TCEA2: variants seen among roughly 807,000 people sequenced by gnomAD.
TCEA2 encodes transcription elongation factor A2.
A neutral mutation model predicts 40.8 loss-of-function variants in TCEA2; 21 were observed. That is an observed-to-expected ratio of 0.51 (90% CI 0.36 to 0.74). The LOEUF (loss-of-function observed/expected upper bound fraction) is 0.74. TCEA2 is among the 30% of genes least tolerant of loss of function. TCEA2 has a pLI of 0.00. For missense variants in TCEA2, 326 were observed against 426.5 expected (o/e 0.76, Z 2.08); for synonymous variants, 165 against 162.7 (o/e 1.01, Z -0.11).
At position 64,063,232 on chromosome 20, in the gene TCEA2, A is replaced by C; in HGVS notation, c.-81A>C. The stretch of plus-strand genomic sequence containing the variant: ...CTGCGTCGGCTGCGGCGGGTGTGGG[A>C]GGTGGCGACGGCCGGGGCCGGGGTC... On this transcript the variant is annotated 5_prime_UTR_variant, in exon 1 of 10. Transcript: ENST00000343484. 1 of 1,267,138 alleles carries C rather than the reference A, an allele frequency of 7.9e-7. No individual in the cohort carries two copies. The highest frequency in any genetic ancestry group is 1.0e-6 in the Non-Finnish European group (1 of 977,180). 78.5% of individuals were successfully genotyped at this position (1,267,138 alleles called of 1,614,324 possible).
Position 64,071,950 on chromosome 20 carries a change from G to A in TCEA2, c.891+9G>A. On this transcript the variant is annotated intron_variant, in intron 9 of 9. Transcript: ENST00000343484. ...GTGGAAACCGCTGGAAGGTGGGTGA[G>A]CAGGCTCAGGCTGCCCCTCCCAGCT... 6.2e-7 allele frequency: 1 copy of A among 1,614,074 alleles called. No homozygotes were observed. The highest frequency in any genetic ancestry group is 8.5e-7 in the Non-Finnish European group (1 of 1,180,008).
upstream of TCEA2, among the ~76,000 whole-genome samples, chr20:64,060,493 C>T (rs866487736): frequency 4.6e-5 from 7 of 152,304 alleles, no homozygotes; most frequent in African/African-American, 1.7e-4. Context: ...GCTCCTTGGT[C>T]TGGCTGTCAG....
At chr20:64,067,163 A>G (rs1451209639) in intron 3 of TCEA2, 143 bp downstream of exon 3, 4 of 794,936 alleles carry the variant, frequency 5.0e-6, no homozygotes, top group South Asian at 1.6e-5. Flanking sequence ...AACCCAGACC[A>G]TGAAGCGCCC....
chr20:64,063,407 A>G, intron 1 of TCEA2, 23 bp downstream of exon 1: 1 of 1,535,270 alleles, frequency 6.5e-7, no homozygotes, highest in Non-Finnish European at 8.8e-7. Flanking sequence ...GGCCGCCAGG[A>G]CCCCGGGAAC....
At chr20:64,060,548 C>T (rs2059541441), upstream of TCEA2, among the ~76,000 whole-genome samples, 1 of 152,182 alleles carries the variant, frequency 6.6e-6, no homozygotes, top group African/African-American at 2.4e-5. Context: ...AGCCTCCCCT[C>T]GTGCCTCTGA....
chr20:64,056,860 C>A (rs13040084), upstream of TCEA2: 539 of 152,360 alleles, frequency 3.5e-3, 2 homozygotes, highest in Non-Finnish European at 6.3e-3. Context: ...GCCAGGGCTG[C>A]CCCCTCAGAC....
chr20:64,069,680 C>T, intron 5 of TCEA2, 85 bp from the exon 6 acceptor site: 5 of 1,559,246 alleles, frequency 3.2e-6, no homozygotes, highest in Non-Finnish European at 3.5e-6. Flanking sequence ...GATGTGCCCT[C>T]TAAGCTGCCA....
intron 1 of TCEA2, among the ~76,000 whole-genome samples, chr20:64,064,561 C>A (rs2059643618): frequency 1.3e-5 from 2 of 152,118 alleles, no homozygotes; most frequent in African/African-American, 2.4e-5. Flanking sequence ...TGTGTGTCTG[C>A]CAGGCCAGCC....
chr20:64,071,786 G>C (rs937809678), intron 8 of TCEA2, 84 bp from the exon 9 acceptor site: 1 of 1,514,184 alleles, frequency 6.6e-7, no homozygotes, highest in African/African-American at 1.4e-5. Context: ...CAGTGGCTGC[G>C]AGGCCCGCAC....
At chr20:64,070,063 T>A in intron 6 of TCEA2, 197 bp from the exon 7 acceptor site, 1 of 914,692 alleles carries the variant, frequency 1.1e-6, no homozygotes. Flanking sequence ...TGAAGCTGGG[T>A]CTCAGTCAGG....
intron 8 of TCEA2, among the ~76,000 whole-genome samples, chr20:64,070,944 G>T (rs1046829284): frequency 1.3e-5 from 2 of 150,452 alleles, no homozygotes; most frequent in African/African-American, 4.9e-5. Context: ...TGGGAGGGCC[G>T]TGCTGCCTGC....
chr20:64,062,729 ACT>A (rs1190212868), upstream of TCEA2: 6 of 152,304 alleles, frequency 3.9e-5, no homozygotes, highest in South Asian at 8.3e-4. Flanking sequence ...TGAAGAAGTA[ACT>A]CTACTCAGAA....
chr20:64,066,817 G>T, intron 2 of TCEA2, 98 bp from the exon 3 acceptor site: 1 of 1,238,254 alleles, frequency 8.1e-7, no homozygotes. Flanking sequence ...GGGAGGTCCC[G>T]GGCTCCTGTC....
At position 64,071,954 on chromosome 20, in the gene TCEA2, G is replaced by A. The variant is rs2059849214; in HGVS notation, c.891+13G>A. ...AAACCGCTGGAAGGTGGGTGAGCAG[G>A]CTCAGGCTGCCCCTCCCAGCTCCAT... On this transcript the variant is annotated intron_variant, in intron 9 of 9. Transcript: ENST00000343484. The A allele has an allele frequency of 6.2e-7, 1 of 1,613,982 alleles. No individual in the cohort carries two copies. Among genetic ancestry groups the A allele is most frequent in the East Asian group, 2.2e-5 (1 of 44,886 alleles).
intron 6 of TCEA2, 58 bp from the exon 7 acceptor site, chr20:64,070,202 A>C: frequency 6.3e-7 from 1 of 1,596,876 alleles, no homozygotes; most frequent in Admixed American, 1.7e-5. Context: ...CCAGCGGGGC[A>C]GGTGGTAGGT....
chr20:64,063,424 C>G, intron 1 of TCEA2, 40 bp downstream of exon 1: 2 of 1,538,076 alleles, frequency 1.3e-6, no homozygotes, highest in Admixed American at 2.0e-5. Context: ...GAACCCCGCC[C>G]CGCCGAGACC....
intron 3 of TCEA2, among the ~76,000 whole-genome samples, chr20:64,067,605 TC>T (rs2059726411): frequency 6.8e-6 from 1 of 146,404 alleles, no homozygotes; most frequent in Non-Finnish European, 1.6e-5. Flanking sequence ...TGTGAAACAG[TC>T]TCTCTCCAGC....
rs1241045242 is a variant in TCEA2, at chr20:64,066,941, C to G, written c.162C>G (p.Asn54Lys). The change falls in exon 3 of 10, where the codon AAC (asparagine) becomes AAG (lysine). Residue 54 changes from asparagine to lysine, a missense_variant. Asn to Lys is a moderately conservative substitution (Grantham distance 94). Transcript: ENST00000343484. ...CCACCCGAGTCGGGATGTCTGTCAA[C>G]GCCCTTCGGAAGCAGAGCTCGGATG... is the stretch of plus-strand genomic sequence containing the variant. ...LQSTRVGMSV[N>K]ALRKQSSDEE... 1.2e-6 allele frequency: 2 copies of G among 1,613,942 alleles called. No homozygotes were observed. Among genetic ancestry groups the G allele is most frequent in the South Asian group, 2.2e-5 (2 of 91,076 alleles).
At chr20:64,056,328 C>T (rs904129840), upstream of TCEA2, among the ~76,000 whole-genome samples, 1 of 152,198 alleles carries the variant, frequency 6.6e-6, no homozygotes, top group African/African-American at 2.4e-5. Flanking sequence ...CCTCTGCTGG[C>T]GCATGGGACA....
Sources: allele counts gnomAD v4.1 joint callset (sites outside exome capture counted in the v4.1 genomes callset), GRCh38; gene constraint gnomAD v4.1.1; transcripts MANE v1.5; gene names NCBI Gene and HGNC (gene_info 2026-07-23, HGNC 2026-07-21).